Variants in ERN1 observed in about 807,000 individuals in gnomAD.
The protein encoded by ERN1 is serine/threonine-protein kinase/endoribonuclease IRE1.
Under a neutral mutation model 113.1 loss-of-function variants are expected in ERN1, and 39 were observed. That is an observed-to-expected ratio of 0.34 (90% CI 0.27 to 0.45). ERN1 has a LOEUF of 0.45. Ranked by LOEUF, ERN1 falls within the 20% of genes least tolerant of loss-of-function variation. ERN1 has a pLI of 1.00. For synonymous variants in ERN1, 507 were observed against 515.9 expected (o/e 0.98, Z 0.23); for missense variants, 976 against 1,274.8 (o/e 0.77, Z 3.57).
chr17:64,096,038 T>C (rs986901693), intron 2 of ERN1, among the ~76,000 whole-genome samples: 5 of 152,204 alleles, frequency 3.3e-5, no homozygotes, highest in African/African-American at 1.2e-4. Flanking sequence ...GTTTAGATCA[T>C]GGGCTTCTTG....
chr17:64,077,717 C>T (rs1913638652), intron 4 of ERN1, among the ~76,000 whole-genome samples: 1 of 151,718 alleles, frequency 6.6e-6, no homozygotes, highest in Admixed American at 6.6e-5. Context: ...CATTTGGGCA[C>T]ATGTCCATTG....
At chr17:64,048,019 C>T (rs1224569963) in intron 18 of ERN1, 34 bp from the exon 19 acceptor site, 1 of 1,588,760 alleles carries the variant, frequency 6.3e-7, no homozygotes, top group East Asian at 2.2e-5. Context: ...CTCATGACTA[C>T]CAGTCCAAAG....
At position 64,052,986 on chromosome 17, in the gene ERN1, G is replaced by C. The variant is rs752673467; in HGVS notation, c.2054-7C>G. 1 of 1,602,422 alleles carries C rather than the reference G, an allele frequency of 6.2e-7. No individual in the cohort carries two copies. The highest frequency in any genetic ancestry group is 1.7e-5 in the Admixed American group (1 of 58,700). Reference sequence around the variant, plus strand: ...GGCTTTAGGTCTCTGTGAACTAACAGAGAACTCCAGATTAGTCCAATGCTT... The same window carrying C: ...GGCTTTAGGTCTCTGTGAACTAACACAGAACTCCAGATTAGTCCAATGCTT... On this transcript the variant is annotated splice_polypyrimidine_tract_variant and splice_region_variant and intron_variant, in intron 16 of 21. Transcript: ENST00000433197.
intron 2 of ERN1, among the ~76,000 whole-genome samples, chr17:64,095,478 T>C (rs1914204677): frequency 6.6e-6 from 1 of 152,122 alleles, no homozygotes; most frequent in Admixed American, 6.5e-5. Context: ...ATTGGATTTA[T>C]CTAATTCTTC....
chr17:64,109,581 C>T (rs903661203), intron 1 of ERN1, among the ~76,000 whole-genome samples: 2 of 152,224 alleles, frequency 1.3e-5, no homozygotes, highest in Non-Finnish European at 2.9e-5. Flanking sequence ...TCCTTTAAGT[C>T]CATGCGGTTC....
At chr17:64,123,444 T>C (rs59881958) in intron 1 of ERN1, among the ~76,000 whole-genome samples, 5,791 of 152,292 alleles carry the variant, frequency 0.038, 369 homozygotes, top group African/African-American at 0.13. Flanking sequence ...TATTTACATC[T>C]TCAAAATATA....
intron 1 of ERN1, among the ~76,000 whole-genome samples, chr17:64,115,953 G>A (rs779624638): frequency 6.6e-6 from 1 of 152,134 alleles, no homozygotes; most frequent in African/African-American, 2.4e-5. Context: ...CCCAAAATCC[G>A]CATAACAATT....
intron 2 of ERN1, among the ~76,000 whole-genome samples, chr17:64,092,673 A>C (rs1914124249): frequency 6.6e-6 from 1 of 152,218 alleles, no homozygotes; most frequent in Non-Finnish European, 1.5e-5. Context: ...AGAAAAGAAT[A>C]GAGCAGGGTT....
chr17:64,060,983 C>T (rs1022382469), intron 10 of ERN1, among the ~76,000 whole-genome samples: 4 of 152,244 alleles, frequency 2.6e-5, no homozygotes, highest in South Asian at 2.1e-4. Context: ...CTTCTATGGC[C>T]GCCGAATTCC....
rs1912773294 is a variant in ERN1, at chr17:64,054,016, T to G, written c.1953+234A>C. On this transcript the variant is annotated intron_variant, in intron 15 of 21. Coordinates refer to ENST00000433197, the MANE Select transcript of ERN1 (RefSeq NM_001433.5). This position sits in a 1 kb window ranked among gnomAD's most constrained non-coding sequence, Gnocchi z 4.9. ...GTGCAGTGGCACAATCACTGCTTAC[T>G]GCAGCCTTGATCTCCCAGGCTCAAG... 3 of 463,382 alleles carry G rather than the reference T, an allele frequency of 6.5e-6. No homozygotes were observed. The highest frequency in any genetic ancestry group is 1.2e-5 in the Non-Finnish European group (3 of 255,614). The allele number at this position is 463,382 out of a possible 1,614,324, so 28.7% of individuals were successfully genotyped here.
chr17:64,047,974 C>A lies in ERN1; in HGVS notation c.2413G>T (p.Ala805Ser), dbSNP rs761661382. 1.2e-6 allele frequency: 2 copies of A among 1,611,314 alleles called. No individual in the cohort carries two copies. Among genetic ancestry groups the A allele is most frequent in the African/African-American group, 2.7e-5 (2 of 74,856 alleles). ...LHPEKHEDVIARELIEKMIAM... is the reference protein window; with the variant it reads ...LHPEKHEDVISRELIEKMIAM... ...ATCATCTTCTCTATCAATTCACGTG[C>A]AATGACGTCTTCTATAAAGGAGGAA... Residue 805 changes from alanine to serine, a missense_variant, in exon 19 of 22, where the codon GCA becomes TCA. Transcript: ENST00000433197.
chr17:64,075,324 T>A, intron 4 of ERN1, 77 bp from the exon 5 acceptor site: 1 of 1,241,752 alleles, frequency 8.1e-7, no homozygotes, highest in South Asian at 1.5e-5. Context: ...AGGCAGTTTG[T>A]TTCTATTACC....
chr17:64,066,526 A>G, intron 8 of ERN1, 145 bp downstream of exon 8: 1 of 953,874 alleles, frequency 1.0e-6, no homozygotes. Flanking sequence ...GAGGTTTCCA[A>G]ATGAAACAGT....
At chr17:64,076,068 G>A (rs996468296) in intron 4 of ERN1, among the ~76,000 whole-genome samples, 2 of 152,178 alleles carry the variant, frequency 1.3e-5, no homozygotes, top group African/African-American at 2.4e-5. Context: ...GTTAAGATAG[G>A]TGCCAGGAAA....
chr17:64,081,302 C>T (rs975227839), intron 2 of ERN1, among the ~76,000 whole-genome samples: 29 of 152,196 alleles, frequency 1.9e-4, no homozygotes, highest in Non-Finnish European at 3.7e-4. Context: ...CTCTTTGGAG[C>T]GGCAATTCTA....
At position 64,109,219 on chromosome 17, in the gene ERN1, A is replaced by C. The variant is rs530622420; in HGVS notation, c.55-10978T>G. On this transcript the variant is annotated intron_variant, in intron 1 of 21. Coordinates refer to ENST00000433197, the MANE Select transcript of ERN1 (RefSeq NM_001433.5). ...AAGTTTTTCAGTCCTGGTAACAGCA[A>C]CTAATCTGAAACTGTCAATTTTGCT... Among the ~76,000 whole-genome samples, 8 of 152,326 alleles carry C rather than the reference A, an allele frequency of 5.3e-5. No homozygotes were observed. The South Asian group carries it at 1.7e-3, about 32-fold the overall frequency.
At position 64,068,283 on chromosome 17, in the gene ERN1, T is replaced by C. The variant is rs1567868583; in HGVS notation, c.487A>G (p.Ile163Val). Reference protein sequence around the residue: ...LLYLGRTEYTITMYDTKTREL... With the variant: ...LLYLGRTEYTVTMYDTKTREL... ...CGGGTTTTGGTGTCGTACATGGTGA[T>C]GGTGTATTCTAAAGAACACAGACCA... is the stretch of plus-strand genomic sequence containing the variant. The change falls in exon 7 of 22, where the codon ATC becomes GTC. Residue 163 changes from isoleucine to valine, a missense_variant. Physicochemically the swap from Ile to Val is conservative, Grantham distance 29. Coordinates refer to ENST00000433197, the MANE Select transcript of ERN1 (RefSeq NM_001433.5). 6.2e-7 allele frequency: 1 copy of C among 1,611,224 alleles called. No homozygotes were observed. Among genetic ancestry groups the C allele is most frequent in the Non-Finnish European group, 8.5e-7 (1 of 1,178,584 alleles).
intron 1 of ERN1, among the ~76,000 whole-genome samples, chr17:64,102,343 C>CA (rs1169348913): frequency 6.6e-6 from 1 of 152,142 alleles, no homozygotes; most frequent in Non-Finnish European, 1.5e-5. Flanking sequence ...GGAAAAATCT[C>CA]AAAAATACAA....
chr17:64,042,744 T>C lies in ERN1; in HGVS notation c.*1244A>G, dbSNP rs1008421024. 5.9e-5 allele frequency: 9 copies of C among 152,306 alleles called. No homozygotes were observed. Among genetic ancestry groups the C allele is most frequent in the Middle Eastern group, 3.4e-3 (1 of 294 alleles). 9.4% of individuals were successfully genotyped at this position (152,306 alleles called of 1,614,324 possible). A position where few individuals can be genotyped will look rare whatever the true frequency, so the allele number is the denominator to read the frequency against. On this transcript the variant is annotated 3_prime_UTR_variant, in exon 22 of 22. Coordinates refer to ENST00000433197, the MANE Select transcript of ERN1 (RefSeq NM_001433.5). ...TTTGATACTGTTCAATACATTTACATAGTGTTGCTATAATGTTTTACTCTT... is the reference window on the plus strand; with the variant it reads ...TTTGATACTGTTCAATACATTTACACAGTGTTGCTATAATGTTTTACTCTT...
Sources: gnomAD v4.1 joint callset for allele counts (sites outside exome capture counted in the v4.1 genomes callset) on GRCh38, gnomAD v4.1.1 for gene constraint, Gnocchi (gnomAD v3.1) non-coding constraint, MANE v1.5 for transcripts, NCBI Gene and HGNC (gene_info 2026-07-23, HGNC 2026-07-21) for gene names.